Variants in GRIP1 observed in about 807,000 individuals in gnomAD.
The protein encoded by GRIP1 is glutamate receptor interacting protein 1, also known as glutamate receptor-interacting protein 1.
Under a neutral mutation model 129.9 loss-of-function variants are expected in GRIP1, and 45 were observed. The ratio of observed to expected loss-of-function variants is 0.35; its 90% CI spans 0.27 to 0.44. GRIP1 has a LOEUF of 0.44. Among genes scored for constraint, GRIP1 ranks in the 20% least tolerant of loss-of-function variants. GRIP1 has a pLI of 1.00. For synonymous variants in GRIP1, 530 were observed against 520.8 expected (o/e 1.02, Z -0.24); for missense variants, 1,196 against 1,396.8 (o/e 0.86, Z 2.29).
chr12:66,982,055 T>C (rs536290842), intron 1 of GRIP1, among the ~76,000 whole-genome samples: 2 of 152,330 alleles, frequency 1.3e-5, no homozygotes, highest in African/African-American at 4.8e-5. Context: ...TAAAGAACAC[T>C]GTTATACTAT....
At chr12:66,372,310 A>G (rs2055552410) in intron 22 of GRIP1, 1 of 315,988 alleles carries the variant, frequency 3.2e-6, no homozygotes, top group South Asian at 3.0e-5. Flanking sequence ...TATATCTTAC[A>G]GAAACGAATT....
intron 1 of GRIP1, among the ~76,000 whole-genome samples, chr12:66,930,238 C>T (rs1438879092): frequency 2.1e-5 from 3 of 140,256 alleles, no homozygotes; most frequent in Non-Finnish European, 4.7e-5. Flanking sequence ...GTATATCTCC[C>T]GATGCTATCC....
intron 1 of GRIP1, among the ~76,000 whole-genome samples, chr12:66,867,396 T>C (rs1351304389): frequency 2.0e-5 from 3 of 152,168 alleles, no homozygotes; most frequent in African/African-American, 7.2e-5. Flanking sequence ...CTTTAAAAAT[T>C]AGCATCATTG....
intron 2 of GRIP1, among the ~76,000 whole-genome samples, chr12:66,581,414 T>C (rs376954507): frequency 1.1e-4 from 16 of 147,580 alleles, no homozygotes; most frequent in South Asian, 2.2e-4. Context: ...CAGAGCAGAA[T>C]TGAAGGAAAT....
chr12:66,733,985 G>A (rs1020105653), intron 1 of GRIP1, among the ~76,000 whole-genome samples: 2 of 146,552 alleles, frequency 1.4e-5, no homozygotes, highest in African/African-American at 5.5e-5. Flanking sequence ...TTTTTCAGGA[G>A]AGAGGTGGTT....
intron 1 of GRIP1, among the ~76,000 whole-genome samples, chr12:66,783,366 G>GA (rs1006094319): frequency 5.9e-5 from 9 of 151,946 alleles, no homozygotes; most frequent in African/African-American, 1.5e-4. Flanking sequence ...ATGTCATGGG[G>GA]AAAAAAAGTG....
chr12:66,434,157 G>A (rs1374838236), intron 13 of GRIP1, among the ~76,000 whole-genome samples: 1 of 152,170 alleles, frequency 6.6e-6, no homozygotes, highest in Admixed American at 6.5e-5. Context: ...AAACTGGAGA[G>A]CACAATAGAA....
intron 2 of GRIP1, among the ~76,000 whole-genome samples, 191 bp from the exon 3 acceptor site, chr12:66,542,141 G>T (rs1440821010): frequency 6.6e-6 from 1 of 151,882 alleles, no homozygotes; most frequent in Non-Finnish European, 1.5e-5. Context: ...TCTATTAGAG[G>T]TTATGAAAAT....
chr12:66,737,642 G>T (rs1459455792), intron 1 of GRIP1, among the ~76,000 whole-genome samples: 2 of 151,972 alleles, frequency 1.3e-5, no homozygotes, highest in East Asian at 3.9e-4. Context: ...CCTCTTCCTC[G>T]AACTCAGTAT....
chr12:66,887,768 A>G (rs1310049921), intron 1 of GRIP1, among the ~76,000 whole-genome samples: 4 of 152,234 alleles, frequency 2.6e-5, no homozygotes, highest in African/African-American at 9.6e-5. Context: ...ACTAAAAGAA[A>G]CAGAGAGGTG....
intron 1 of GRIP1, among the ~76,000 whole-genome samples, chr12:66,925,639 G>A (rs1201258605): frequency 4.6e-5 from 7 of 151,928 alleles, no homozygotes; most frequent in African/African-American, 1.7e-4. Context: ...AGTAATACCT[G>A]TTTTTTTGTT....
At chr12:66,761,837 C>T (rs924681816) in intron 1 of GRIP1, among the ~76,000 whole-genome samples, 1 of 152,118 alleles carries the variant, frequency 6.6e-6, no homozygotes, top group African/African-American at 2.4e-5. Context: ...CATTAAGCAA[C>T]TAAACAAGAG....
chr12:66,537,143 G>A (rs1456136428), intron 4 of GRIP1, among the ~76,000 whole-genome samples: 1 of 152,128 alleles, frequency 6.6e-6, no homozygotes, highest in East Asian at 1.9e-4. Flanking sequence ...GATAGTGCCA[G>A]GCACTATTCT....
chr12:66,509,117 A>G (rs938169306), intron 7 of GRIP1, among the ~76,000 whole-genome samples: 1 of 152,266 alleles, frequency 6.6e-6, no homozygotes, highest in African/African-American at 2.4e-5. Context: ...GAACTTATAG[A>G]AAATAAAATG....
chr12:66,989,558 C>T (rs763876344), intron 1 of GRIP1, among the ~76,000 whole-genome samples: 1 of 152,166 alleles, frequency 6.6e-6, no homozygotes, highest in Admixed American at 6.5e-5. Context: ...TTCAGTTCCT[C>T]AGATGAATCC....
intron 1 of GRIP1, among the ~76,000 whole-genome samples, chr12:66,629,511 T>C (rs565937915): frequency 1.1e-4 from 16 of 152,366 alleles, no homozygotes; most frequent in African/African-American, 2.9e-4. Flanking sequence ...CCTCTAATTA[T>C]AATCTTGAGT....
intron 3 of GRIP1, 28 bp from the exon 4 acceptor site, chr12:66,539,251 A>G: frequency 6.2e-7 from 1 of 1,613,824 alleles, no homozygotes; most frequent in Non-Finnish European, 8.5e-7. Flanking sequence ...TTGTTTCAAC[A>G]GACCCACCCT....
At chr12:66,520,531 T>C (rs918338258) in intron 5 of GRIP1, among the ~76,000 whole-genome samples, 2 of 152,206 alleles carry the variant, frequency 1.3e-5, no homozygotes, top group East Asian at 1.9e-4. Context: ...AAGTCTGATG[T>C]CCACACAAAT....
At chr12:66,466,637 A>G (rs1333064929) in intron 7 of GRIP1, among the ~76,000 whole-genome samples, 9 of 152,222 alleles carry the variant, frequency 5.9e-5, no homozygotes, top group Middle Eastern at 3.2e-3. Flanking sequence ...TTGCTTACCT[A>G]TACAATGGTA....
Sources: gnomAD v4.1 joint callset for allele counts (sites outside exome capture counted in the v4.1 genomes callset) on GRCh38, gnomAD v4.1.1 for gene constraint, MANE v1.5 for transcripts, NCBI Gene and HGNC (gene_info 2026-07-23, HGNC 2026-07-21) for gene names.